The following KIAA0319 variants were observed in gnomAD, a reference collection of about 807,000 sequenced individuals.
KIAA0319 encodes the protein KIAA0319.
A neutral mutation model predicts 108.4 loss-of-function variants in KIAA0319; 83 were observed. That is an observed-to-expected ratio of 0.77 (90% confidence interval 0.64 to 0.92). The LOEUF (loss-of-function observed/expected upper bound fraction) is 0.92. Ranked by LOEUF, KIAA0319 falls within the 40% of genes least tolerant of loss-of-function variation. The pLI is 0.00. For missense variants in KIAA0319, 1,195 were observed against 1,322.4 expected (o/e 0.90, Z 1.49); for synonymous variants, 484 against 510.4 (o/e 0.95, Z 0.70).
At chr6:24,561,405 T>C (rs1469850647) in intron 16 of KIAA0319, among the ~76,000 whole-genome samples, 2 of 152,218 alleles carry the variant, frequency 1.3e-5, no homozygotes, top group African/African-American at 2.4e-5. Flanking sequence ...TTCAATCTCT[T>C]TATTTGTTAT....
At chr6:24,589,138 A>C (rs749623803) in intron 3 of KIAA0319, among the ~76,000 whole-genome samples, 2 of 152,108 alleles carry the variant, frequency 1.3e-5, no homozygotes, top group Non-Finnish European at 2.9e-5. Context: ...TGAAATCCTA[A>C]CCCTCAATGT....
chr6:24,580,966 G>GT lies in KIAA0319; in HGVS notation c.1238dup (p.Asn413LysfsTer13). 1 of 1,613,006 alleles carries GT rather than the reference G, an allele frequency of 6.2e-7. No homozygotes were observed. The highest frequency in any genetic ancestry group is 8.5e-7 in the Non-Finnish European group (1 of 1,179,206). The stretch of plus-strand genomic sequence containing the variant: ...CATTGACAAATCCTTCTCCAAAGGC[G>GT]TTTTCACTAGAAACAGTGACTTTGA... On this transcript the variant is annotated frameshift_variant, in exon 7 of 21. Transcript: ENST00000378214. LOFTEE classifies it high-confidence loss of function.
chr6:24,559,201 G>T (rs1345615963), intron 16 of KIAA0319, 46 bp from the exon 17 acceptor site: 3 of 1,595,612 alleles, frequency 1.9e-6, no homozygotes, highest in South Asian at 2.2e-5. Context: ...GTCAGATGGT[G>T]ACTACCATGA....
Position 24,546,275 on chromosome 6 carries a change from C to T in KIAA0319, c.*890G>A, listed in dbSNP as rs904215065. The T allele has an allele frequency of 1.3e-5, 2 of 152,000 alleles. No individual in the cohort carries two copies. The highest frequency in any genetic ancestry group is 2.9e-5 in the Non-Finnish European group (2 of 68,012). 9.4% of individuals were successfully genotyped at this position (152,000 alleles called of 1,614,324 possible). On this transcript the variant is annotated 3_prime_UTR_variant, in exon 21 of 21. Transcript: ENST00000378214. ...TGGAATATATACACAATTGCTGAGT[C>T]GTTATCCCTATCTATGGCAGTCCAA...
Position 24,547,057 on chromosome 6 carries a change from G to A in KIAA0319, c.*108C>T. ...CGTGGGGATACACATCTAACCCACT[G>A]GGGAAGAAGGTCAATGAACTATTCT... On this transcript the variant is annotated 3_prime_UTR_variant, in exon 21 of 21. Coordinates refer to ENST00000378214, the MANE Select transcript of KIAA0319 (RefSeq NM_014809.4). The A allele has an allele frequency of 8.4e-7, 1 of 1,196,096 alleles. No homozygotes were observed. Among genetic ancestry groups the A allele is most frequent in the Non-Finnish European group, 1.2e-6 (1 of 828,716 alleles). 74.1% of individuals were successfully genotyped at this position (1,196,096 alleles called of 1,614,324 possible).
chr6:24,588,330 C>G (rs984776999), intron 4 of KIAA0319, among the ~76,000 whole-genome samples: 1 of 152,234 alleles, frequency 6.6e-6, no homozygotes, highest in Non-Finnish European at 1.5e-5. Flanking sequence ...TCTGCTCCCA[C>G]AGCAGCCTCT....
At chr6:24,551,597 T>C in intron 19 of KIAA0319, 72 bp from the exon 20 acceptor site, 1 of 1,001,224 alleles carries the variant, frequency 1.0e-6, no homozygotes, top group South Asian at 1.3e-5. Flanking sequence ...TAACGCACAG[T>C]AAAGACACTA....
At chr6:24,610,853 A>G (rs1420301969) in intron 1 of KIAA0319, among the ~76,000 whole-genome samples, 1 of 152,352 alleles carries the variant, frequency 6.6e-6, no homozygotes, top group South Asian at 2.1e-4. Context: ...ATCAACTGAA[A>G]AACGGATAAA....
At chr6:24,622,846 C>T (rs1383607127) in intron 1 of KIAA0319, among the ~76,000 whole-genome samples, 1 of 152,064 alleles carries the variant, frequency 6.6e-6, no homozygotes, top group African/African-American at 2.4e-5. Flanking sequence ...GAGTTCGAGA[C>T]CAGCCTGGCC....
rs371786825 is a variant in KIAA0319, at chr6:24,613,797, G to A, written c.-105-12589C>T. ...TGAGCAACCTTTATTTCAAAGAGAT[G>A]GAATTACCATGCTGCTCTGAGACAA... On this transcript the variant is annotated intron_variant, in intron 1 of 20. Transcript: ENST00000378214. Among the ~76,000 whole-genome samples the A allele has an allele frequency of 2.0e-4, 30 of 152,182 alleles. No individual in the cohort carries two copies. In the East Asian group the frequency reaches 5.4e-3, roughly 27 times the overall value.
intron 8 of KIAA0319, among the ~76,000 whole-genome samples, chr6:24,579,221 C>T (rs1765982320): frequency 6.6e-6 from 1 of 151,958 alleles, no homozygotes; most frequent in Admixed American, 6.6e-5. Flanking sequence ...TTTACATGGA[C>T]ACCTGTAGTT....
At chr6:24,570,363 C>T (rs546233263) in intron 11 of KIAA0319, among the ~76,000 whole-genome samples, 5 of 151,992 alleles carry the variant, frequency 3.3e-5, no homozygotes, top group Middle Eastern at 3.4e-3. Flanking sequence ...ACGAGGCGGG[C>T]GGATCACGAG....
chr6:24,634,636 A>AT (rs1775975796), intron 1 of KIAA0319, among the ~76,000 whole-genome samples: 1 of 152,182 alleles, frequency 6.6e-6, no homozygotes, highest in East Asian at 1.9e-4. Flanking sequence ...AGCAAAAGGG[A>AT]TTTTGCAGAT....
chr6:24,604,939 C>G (rs1771182546), intron 1 of KIAA0319, among the ~76,000 whole-genome samples: 1 of 152,182 alleles, frequency 6.6e-6, no homozygotes, highest in Non-Finnish European at 1.5e-5. Flanking sequence ...CTCCCGGGTT[C>G]AAGCGATTCT....
intron 9 of KIAA0319, 70 bp downstream of exon 9, chr6:24,578,039 TG>T: frequency 6.8e-7 from 1 of 1,471,384 alleles, no homozygotes; most frequent in East Asian, 2.3e-5. Flanking sequence ...CAGTGTTTTA[TG>T]TGCGTTAATT....
chr6:24,639,210 C>T (rs1776602704), intron 1 of KIAA0319, among the ~76,000 whole-genome samples: 1 of 152,172 alleles, frequency 6.6e-6, no homozygotes, highest in Non-Finnish European at 1.5e-5. Flanking sequence ...AAATCTATTC[C>T]TATGTTCACT....
chr6:24,608,291 G>C (rs906956923), intron 1 of KIAA0319, among the ~76,000 whole-genome samples: 4 of 151,990 alleles, frequency 2.6e-5, no homozygotes, highest in Non-Finnish European at 2.9e-5. Context: ...TAAATAAATG[G>C]AGGAAACCAT....
At chr6:24,576,923 A>AC (rs966888439) in intron 9 of KIAA0319, among the ~76,000 whole-genome samples, 14 of 152,032 alleles carry the variant, frequency 9.2e-5, no homozygotes, top group African/African-American at 3.4e-4. Context: ...ACAGACTGTC[A>AC]CAAAAAACAA....
At chr6:24,574,270 C>CA (rs899043623) in intron 10 of KIAA0319, among the ~76,000 whole-genome samples, 26 of 151,396 alleles carry the variant, frequency 1.7e-4, no homozygotes, top group African/African-American at 1.7e-4. Context: ...CCCATCTTCA[C>CA]AAAAAAAACC....
Sources: gnomAD v4.1 joint callset for allele counts (sites outside exome capture counted in the v4.1 genomes callset) on GRCh38, gnomAD v4.1.1 for gene constraint, MANE v1.5 for transcripts, NCBI Gene and HGNC (gene_info 2026-07-23, HGNC 2026-07-21) for gene names.